Variants in CMSS1 observed in about 807,000 individuals in gnomAD.
CMSS1 encodes the protein protein CMSS1.
A neutral mutation model predicts 43.5 loss-of-function variants in CMSS1; 33 were observed. The ratio of observed to expected loss-of-function variants is 0.76; its 90% confidence interval spans 0.57 to 1.01. CMSS1 has a LOEUF of 1.01. CMSS1 is among the 50% of genes least tolerant of loss of function. CMSS1 has a pLI of 0.00. For synonymous variants in CMSS1, 115 were observed against 117.2 expected (o/e 0.98, Z 0.12); for missense variants, 313 against 326.4 (o/e 0.96, Z 0.32).
At chr3:99,955,138 C>T (rs1181574563) in intron 1 of CMSS1, among the ~76,000 whole-genome samples, 1 of 152,210 alleles carries the variant, frequency 6.6e-6, no homozygotes, top group East Asian at 1.9e-4. Flanking sequence ...AGGCCCCTTT[C>T]AATTCTATGG....
At position 99,980,527 on chromosome 3, in the gene CMSS1, T is replaced by A. The variant is rs1709091464; in HGVS notation, c.64+162484T>A. Among the ~76,000 whole-genome samples, 3 of 152,312 alleles carry A rather than the reference T, an allele frequency of 2.0e-5. No homozygotes were observed. In the South Asian group the frequency reaches 6.2e-4, roughly 32 times the overall value. ...TGGAATAAAAATGATACACACTTTT[T>A]TATACATTCAGTTCAGGTTTTATCC... On this transcript the variant is annotated intron_variant, in intron 1 of 9. Coordinates refer to ENST00000421999, the MANE Select transcript of CMSS1 (RefSeq NM_032359.4).
intron 1 of CMSS1, among the ~76,000 whole-genome samples, chr3:100,053,281 T>C (rs2065404727): frequency 1.3e-5 from 2 of 152,212 alleles, no homozygotes; most frequent in Non-Finnish European, 2.9e-5. Context: ...CTCTCACAGT[T>C]CTAGAGGCTA....
chr3:99,890,679 A>G (rs1706055219), intron 1 of CMSS1, among the ~76,000 whole-genome samples: 1 of 149,644 alleles, frequency 6.7e-6, no homozygotes, highest in Non-Finnish European at 1.5e-5. Flanking sequence ...TTCTAGTTTG[A>G]CCATTTTCTA....
chr3:99,864,967 T>C (rs1385572271), intron 1 of CMSS1, among the ~76,000 whole-genome samples: 4 of 152,190 alleles, frequency 2.6e-5, no homozygotes, highest in Admixed American at 2.0e-4. Flanking sequence ...TTTTGTTTAA[T>C]ACTATATTTC....
chr3:100,024,575 A>G (rs986347566), intron 1 of CMSS1, among the ~76,000 whole-genome samples: 2 of 152,180 alleles, frequency 1.3e-5, no homozygotes, highest in Admixed American at 1.3e-4. Context: ...TTTACATCAT[A>G]TTAAATTATG....
chr3:100,162,962 G>A (rs866037249), intron 4 of CMSS1, among the ~76,000 whole-genome samples: 3 of 152,218 alleles, frequency 2.0e-5, no homozygotes, highest in South Asian at 2.1e-4. Context: ...GGGACAGAGC[G>A]AGACTCCATC....
chr3:99,889,721 A>G (rs1476937725), intron 1 of CMSS1, among the ~76,000 whole-genome samples: 1 of 151,786 alleles, frequency 6.6e-6, no homozygotes, highest in Non-Finnish European at 1.5e-5. Context: ...TTCCTATTCT[A>G]TTAGGGATTA....
Position 100,087,572 on chromosome 3 carries a change from TTTAA to T in CMSS1, c.65-59398_65-59395del, listed in dbSNP as rs544632495. Among the ~76,000 whole-genome samples, 43 of 152,274 alleles carry T rather than the reference TTTAA, an allele frequency of 2.8e-4. No individual in the cohort carries two copies. The South Asian group carries it at 3.9e-3, about 14-fold the overall frequency. The stretch of plus-strand genomic sequence containing the variant: ...CTTTTCAAACCTTTTGCTTTTTTTG[TTTAA>T]TTGTTTTCTTATTATTGAGTTTTGA... On this transcript the variant is annotated intron_variant, in intron 1 of 9. Transcript: ENST00000421999.
At chr3:99,908,677 A>C (rs1035284788) in intron 1 of CMSS1, among the ~76,000 whole-genome samples, 3 of 152,200 alleles carry the variant, frequency 2.0e-5, no homozygotes, top group African/African-American at 7.2e-5. Context: ...CAATAATATT[A>C]CCTCCTTTAA....
intron 1 of CMSS1, among the ~76,000 whole-genome samples, chr3:99,968,216 G>T (rs146234198): frequency 2.0e-3 from 303 of 152,292 alleles, no homozygotes; most frequent in African/African-American, 6.8e-3. Context: ...GGGAATTCCA[G>T]GCTGGGAGAG....
At chr3:100,077,124 T>C (rs1243964830) in intron 1 of CMSS1, among the ~76,000 whole-genome samples, 1 of 152,214 alleles carries the variant, frequency 6.6e-6, no homozygotes, top group African/African-American at 2.4e-5. Context: ...TAGCGTCCTT[T>C]GAAAGAAGAG....
intron 1 of CMSS1, among the ~76,000 whole-genome samples, chr3:99,867,235 A>G (rs1489468219): frequency 6.6e-6 from 1 of 152,190 alleles, no homozygotes; most frequent in Non-Finnish European, 1.5e-5. Context: ...GTCCCTGAGC[A>G]GGAGTTTCAC....
chr3:99,851,095 T>C, intron 1 of CMSS1: 1 of 1,532,070 alleles, frequency 6.5e-7, no homozygotes, highest in Non-Finnish European at 8.7e-7. Context: ...GTGCATTTTA[T>C]TTTGTGATTG....
At position 99,852,603 on chromosome 3, in the gene CMSS1, G is replaced by A. The variant is rs139008650; in HGVS notation, c.64+34560G>A. On this transcript the variant is annotated intron_variant, in intron 1 of 9. Coordinates refer to ENST00000421999, the MANE Select transcript of CMSS1 (RefSeq NM_032359.4). Reference sequence around the variant, plus strand: ...TGGGATTATAGGCACGCACCACCACGCCCAGCTAATTTTTGTATTTTTAGT... The same window carrying A: ...TGGGATTATAGGCACGCACCACCACACCCAGCTAATTTTTGTATTTTTAGT... 5.0e-3 allele frequency among the ~76,000 whole-genome samples: 762 copies of A among 151,928 alleles called. 5 individuals are homozygous for A. The highest frequency in any genetic ancestry group is 0.011 in the African/African-American group (462 of 41,426).
At chr3:99,848,607 T>C in intron 1 of CMSS1, 1 of 1,614,214 alleles carries the variant, frequency 6.2e-7, no homozygotes, top group Non-Finnish European at 8.5e-7. Context: ...CACTGATTTC[T>C]GTTGGTTCTG....
At chr3:100,102,656 C>T (rs543571314) in intron 1 of CMSS1, among the ~76,000 whole-genome samples, 159 of 152,166 alleles carry the variant, frequency 1.0e-3, no homozygotes, top group Non-Finnish European at 1.7e-3. Context: ...CTGTGTCCTC[C>T]GCCATGCTTT....
chr3:99,828,211 A>C (rs1942571880), intron 1 of CMSS1, among the ~76,000 whole-genome samples: 1 of 152,050 alleles, frequency 6.6e-6, no homozygotes, highest in Non-Finnish European at 1.5e-5. Flanking sequence ...CATAATTACC[A>C]ATGTTGAATG....
chr3:100,060,498 G>GAA, intron 1 of CMSS1, among the ~76,000 whole-genome samples: 1 of 148,074 alleles, frequency 6.8e-6, no homozygotes, highest in Admixed American at 6.7e-5. Context: ...CTTCACCCAA[G>GAA]AAAAAAAAAA....
chr3:99,902,625 G>A (rs1706473638), intron 1 of CMSS1, among the ~76,000 whole-genome samples: 1 of 152,166 alleles, frequency 6.6e-6, no homozygotes, highest in Admixed American at 6.5e-5. Flanking sequence ...ATTGTTACCA[G>A]TAGACACTGG....
Sources: gnomAD v4.1 joint callset for allele counts (sites outside exome capture counted in the v4.1 genomes callset) on GRCh38, gnomAD v4.1.1 for gene constraint, MANE v1.5 for transcripts, NCBI Gene and HGNC (gene_info 2026-07-23, HGNC 2026-07-21) for gene names.